Variants in ERICH6B observed in about 807,000 individuals in gnomAD.
The protein encoded by ERICH6B is glutamate-rich protein 6B.
Under a neutral mutation model 80.0 loss-of-function variants are expected in ERICH6B, and 69 were observed. The observed-to-expected ratio is 0.86, with a 90% CI of 0.71 to 1.05. The LOEUF (loss-of-function observed/expected upper bound fraction) is 1.05, where lower values mean the gene tolerates loss of function less well. Among genes scored for constraint, ERICH6B ranks in the 50% least tolerant of loss-of-function variants. The probability of loss-of-function intolerance (pLI) is 0.00; values close to 1 mark genes in which losing one functional copy is unlikely to be tolerated. For synonymous variants in ERICH6B, 283 were observed against 291.9 expected (o/e 0.97, Z 0.31); for missense variants, 754 against 796.1 (o/e 0.95, Z 0.64).
chr13:45,563,903 G>C (rs1566290697), intron 9 of ERICH6B, 115 bp from the exon 10 acceptor site: 1 of 837,260 alleles, frequency 1.2e-6, no homozygotes, highest in African/African-American at 1.7e-5. Flanking sequence ...GGTGGAAATG[G>C]GGCCAATGGC....
At chr13:45,606,526 TATATATATATATATATATATA>T (rs1566307752) in intron 2 of ERICH6B, among the ~76,000 whole-genome samples, 17 of 33,936 alleles carry the variant, frequency 5.0e-4, no homozygotes, top group South Asian at 3.1e-3. Context: ...TATATATATA[TATATATATATATATATATATA>T]TTTTTTTTTT....
intron 9 of ERICH6B, among the ~76,000 whole-genome samples, chr13:45,567,333 A>G (rs969135001): frequency 2.6e-5 from 4 of 152,144 alleles, no homozygotes; most frequent in Non-Finnish European, 5.9e-5. Context: ...TTGGTTTTGA[A>G]ATGTGAGGAT....
chr13:45,578,847 G>A (rs957022129), intron 7 of ERICH6B, among the ~76,000 whole-genome samples: 1 of 152,328 alleles, frequency 6.6e-6, no homozygotes, highest in Non-Finnish European at 1.5e-5. Flanking sequence ...GAGCCCAGAA[G>A]TTGAGACAAT....
In ERICH6B at chr13:45,580,642, C is replaced by G. The variant is rs901374294; in HGVS notation, c.880G>C (p.Glu294Gln). The G allele has an allele frequency of 6.4e-7, 1 of 1,551,616 alleles. No individual in the cohort carries two copies. The highest frequency in any genetic ancestry group is 1.4e-5 in the African/African-American group (1 of 73,114). Reference sequence around the variant, plus strand: ...TTCGTGGTGGTTTCTTGCTCTGTTTCTGATTTCGATTTTAAAGATTTTACT... The same window carrying G: ...TTCGTGGTGGTTTCTTGCTCTGTTTGTGATTTCGATTTTAAAGATTTTACT... ...TAVKSLKSKSETEQETTTKLA... is the reference protein window; with the variant it reads ...TAVKSLKSKSQTEQETTTKLA... The change falls in exon 6 of 15, where the codon GAA becomes CAA. Residue 294 changes from glutamate to glutamine, a missense_variant. By Grantham distance (29) the Glu-to-Gln change is conservative (BLOSUM62 2). Coordinates refer to ENST00000298738, the MANE Select transcript of ERICH6B (RefSeq NM_182542.3).
intron 2 of ERICH6B, among the ~76,000 whole-genome samples, chr13:45,602,032 T>C (rs1949830608): frequency 6.6e-6 from 1 of 152,222 alleles, no homozygotes; most frequent in South Asian, 2.1e-4. Context: ...TGGGTCCTTC[T>C]GAGGCCTTAA....
intron 2 of ERICH6B, among the ~76,000 whole-genome samples, chr13:45,602,335 T>C (rs901110964): frequency 2.6e-5 from 4 of 152,226 alleles, no homozygotes; most frequent in Non-Finnish European, 5.9e-5. Flanking sequence ...TGTCAGCACA[T>C]TTTCTGACTC....
At chr13:45,606,814 A>G (rs1949869731) in intron 2 of ERICH6B, among the ~76,000 whole-genome samples, 1 of 151,682 alleles carries the variant, frequency 6.6e-6, no homozygotes, top group South Asian at 2.1e-4. Flanking sequence ...TCAGCCTCCA[A>G]AAGTGCTGGT....
rs771451076 is a variant in ERICH6B, at chr13:45,561,370, ACTGT to A, written c.1402_1405del (p.Thr468TrpfsTer9). On this transcript the variant is annotated frameshift_variant and splice_region_variant, in exon 11 of 15. Transcript: ENST00000298738. LOFTEE classifies it high-confidence loss of function. ...ACAGCAATGTACTGTCCCTCTTACCACTGTCTTCTTCTGTATCCATTCCTTATCT... is the reference window on the plus strand; with the variant it reads ...ACAGCAATGTACTGTCCCTCTTACCACTTCTTCTGTATCCATTCCTTATCT... 3 of 1,551,840 alleles carry A rather than the reference ACTGT, an allele frequency of 1.9e-6. No homozygotes were observed. The South Asian group carries it at 3.6e-5, about 18-fold the overall frequency.
chr13:45,552,149 A>G (rs1256171128), intron 11 of ERICH6B, among the ~76,000 whole-genome samples: 1 of 152,166 alleles, frequency 6.6e-6, no homozygotes, highest in Non-Finnish European at 1.5e-5. Context: ...TTATGTTATT[A>G]CTATTCTTGA....
At chr13:45,582,229 A>G (rs557791352) in intron 5 of ERICH6B, among the ~76,000 whole-genome samples, 2 of 152,198 alleles carry the variant, frequency 1.3e-5, no homozygotes, top group South Asian at 2.1e-4. Context: ...GTGTCCCCCA[A>G]ACTGAACGCG....
intron 3 of ERICH6B, among the ~76,000 whole-genome samples, chr13:45,591,565 C>T (rs1876158611): frequency 6.6e-6 from 1 of 152,166 alleles, no homozygotes; most frequent in South Asian, 2.1e-4. Flanking sequence ...CACTGCACTC[C>T]AGCCTGGGCG....
chr13:45,575,088 A>C, intron 7 of ERICH6B, among the ~76,000 whole-genome samples, 158 bp from the exon 8 acceptor site: 1 of 152,250 alleles, frequency 6.6e-6, no homozygotes. Context: ...GGTTAATCAC[A>C]TGACCTAAAA....
In ERICH6B at chr13:45,550,152, C is replaced by T. The variant is rs539493052; in HGVS notation, c.1493+79G>A. ...GTCAAACCCCACACCTCAGTCAAAC[C>T]CCTTACCCCATAAAAAATCGTAGAC... is the stretch of plus-strand genomic sequence containing the variant. On this transcript the variant is annotated intron_variant, in intron 12 of 14. Transcript: ENST00000298738. 11 of 1,533,890 alleles carry T rather than the reference C, an allele frequency of 7.2e-6. 1 individual carries two copies. In the South Asian group the frequency reaches 1.2e-4, roughly 17 times the overall value.
chr13:45,600,494 GTAA>G (rs1242358809), intron 2 of ERICH6B, among the ~76,000 whole-genome samples: 1 of 152,094 alleles, frequency 6.6e-6, no homozygotes, highest in African/African-American at 2.4e-5. Context: ...GTAATTTCTT[GTAA>G]TAATAATTTC....
At chr13:45,595,807 T>C (rs940430136) in intron 3 of ERICH6B, among the ~76,000 whole-genome samples, 65 of 151,866 alleles carry the variant, frequency 4.3e-4, no homozygotes, top group African/African-American at 1.6e-3. Flanking sequence ...CACACCCGAC[T>C]AAATTTTACA....
At chr13:45,612,476 T>C (rs547383726) in intron 1 of ERICH6B, among the ~76,000 whole-genome samples, 1 of 152,216 alleles carries the variant, frequency 6.6e-6, no homozygotes, top group African/African-American at 2.4e-5. Context: ...TAAGGGGAGA[T>C]GATGGGGAGC....
At chr13:45,585,136 G>A (rs1214828214) in intron 5 of ERICH6B, among the ~76,000 whole-genome samples, 2 of 152,188 alleles carry the variant, frequency 1.3e-5, no homozygotes, top group Non-Finnish European at 2.9e-5. Flanking sequence ...GTGAAAACTG[G>A]AGCATTTCAA....
rs1046062139 is a variant in ERICH6B, at chr13:45,579,991, A to C, written c.920-17T>G. 41 of 1,533,868 alleles carry C rather than the reference A, an allele frequency of 2.7e-5. No homozygotes were observed. Among genetic ancestry groups the C allele is most frequent in the Non-Finnish European group, 3.4e-5 (39 of 1,134,544 alleles). On this transcript the variant is annotated splice_polypyrimidine_tract_variant and intron_variant, in intron 6 of 14. Transcript: ENST00000298738. Reference sequence around the variant, plus strand: ...TAACATGCTCTAAAAAAGAATAAGAAAAATTATTAACAGGATACGGTATAG... The same window carrying C: ...TAACATGCTCTAAAAAAGAATAAGACAAATTATTAACAGGATACGGTATAG...
intron 11 of ERICH6B, among the ~76,000 whole-genome samples, chr13:45,560,380 A>G (rs1300081221): frequency 6.6e-6 from 1 of 152,182 alleles, no homozygotes; most frequent in Non-Finnish European, 1.5e-5. Flanking sequence ...AGTTTCCCAT[A>G]TATGCACAGC....
Sources: gnomAD v4.1 joint callset for allele counts (sites outside exome capture counted in the v4.1 genomes callset) on GRCh38, gnomAD v4.1.1 for gene constraint, MANE v1.5 for transcripts, NCBI Gene and HGNC (gene_info 2026-07-23, HGNC 2026-07-21) for gene names.